PHTF1: variants seen among roughly 807,000 people sequenced by gnomAD.
The protein encoded by PHTF1 is protein PHTF1.
PHTF1 carries 88 observed loss-of-function variants against 102.4 expected under a neutral mutation model. The observed-to-expected ratio is 0.86, with a 90% CI of 0.72 to 1.03. The LOEUF is 1.03. Among genes scored for constraint, PHTF1 ranks in the 50% least tolerant of loss-of-function variants. PHTF1 has a pLI of 0.00. For synonymous variants in PHTF1, 289 were observed against 305.2 expected, an observed-to-expected ratio of 0.95 and a Z score of 0.55; for missense variants, 814 against 909.5, an observed-to-expected ratio of 0.89 and a Z score of 1.35.
chr1:113,726,021 T>A (rs1240581514), intron 6 of PHTF1: 1 of 159,846 alleles, frequency 6.3e-6, no homozygotes, highest in Non-Finnish European at 1.4e-5. Context: ...TTATTACACA[T>A]CTTTGAAAAA....
intron 7 of PHTF1, among the ~76,000 whole-genome samples, chr1:113,724,337 C>T (rs979821934): frequency 1.3e-5 from 2 of 151,978 alleles, no homozygotes; most frequent in Non-Finnish European, 2.9e-5. Flanking sequence ...GTCAGGAATT[C>T]GATATCAGCC....
chr1:113,736,138 C>T (rs988685539), intron 5 of PHTF1, among the ~76,000 whole-genome samples: 14 of 150,836 alleles, frequency 9.3e-5, no homozygotes, highest in African/African-American at 2.7e-4. Flanking sequence ...GTCAGGAGAT[C>T]GAGACCATCC....
Position 113,706,671 on chromosome 1 carries a change from C to T in PHTF1, c.1321G>A (p.Ala441Thr). 5 of 1,608,566 alleles carry T rather than the reference C, an allele frequency of 3.1e-6. No homozygotes were observed. Among genetic ancestry groups the T allele is most frequent in the Non-Finnish European group, 3.4e-6 (4 of 1,176,206 alleles). Residue 441 changes from alanine to threonine, a missense_variant, in exon 12 of 19, where the codon GCA (alanine) becomes ACA (threonine). Coordinates refer to ENST00000369604, the MANE Select transcript of PHTF1 (RefSeq NM_001323043.2). ...NSSPSSDRVS[A>T]IIWEGNECKK... ...CACTCATTCCCCTCCCAGATTATTG[C>T]ACTAACTCGATCAGAGGAAGGACTT... is the stretch of plus-strand genomic sequence containing the variant.
At chr1:113,752,682 C>G (rs1366003671) in intron 3 of PHTF1, among the ~76,000 whole-genome samples, 1 of 152,080 alleles carries the variant, frequency 6.6e-6, no homozygotes, top group Non-Finnish European at 1.5e-5. Context: ...CTGCGCCCAG[C>G]CTACTGTCAT....
chr1:113,739,981 T>C (rs1396085664), intron 3 of PHTF1, among the ~76,000 whole-genome samples: 1 of 152,234 alleles, frequency 6.6e-6, no homozygotes, highest in Non-Finnish European at 1.5e-5. Flanking sequence ...CATTCACCTG[T>C]TGATGGACAC....
At chr1:113,704,306 AT>A in intron 14 of PHTF1, 139 bp from the exon 15 acceptor site, 1 of 541,344 alleles carries the variant, frequency 1.8e-6, no homozygotes, top group Non-Finnish European at 3.3e-6. Context: ...ATTTTAACAT[AT>A]TTTGGACGTC....
chr1:113,758,760 G>A (rs772267951), intron 1 of PHTF1, 27 bp from the exon 2 acceptor site: 117 of 1,590,278 alleles, frequency 7.4e-5, no homozygotes, highest in Non-Finnish European at 9.2e-5. Context: ...ACCAATCGGT[G>A]AGTCCAGCTG....
rs771030937 is a variant in PHTF1, at chr1:113,719,599, C to A, written c.623+5160G>T. ...CCATCTGTTACCACCTCAGCCTAGA[C>A]CTTATTGTTCATATCACTATCAGCA... On this transcript the variant is annotated intron_variant, in intron 7 of 18. Coordinates refer to ENST00000369604, the MANE Select transcript of PHTF1 (RefSeq NM_001323043.2). 7.9e-5 allele frequency among the ~76,000 whole-genome samples: 12 copies of A among 152,274 alleles called. No homozygotes were observed. The East Asian group carries it at 2.1e-3, about 27-fold the overall frequency.
At position 113,699,624 on chromosome 1, in the gene PHTF1, T is replaced by C. The variant is rs1649223076; in HGVS notation, c.2142+80A>G. The C allele has an allele frequency of 1.7e-5, 12 of 727,100 alleles. No individual in the cohort carries two copies. In the South Asian group the frequency reaches 1.9e-4, roughly 11 times the overall value. The allele number at this position is 727,100 out of a possible 1,614,324, so 45.0% of individuals were successfully genotyped here. ...GGACCCCTCCCAACCCAAGGTATCA[T>C]CTGCCATTTAATGTTTTCTTAGAGA... On this transcript the variant is annotated intron_variant, in intron 17 of 18. Transcript: ENST00000369604.
Position 113,759,082 on chromosome 1 carries a change from C to G in PHTF1, c.-90G>C, listed in dbSNP as rs1659322373. On this transcript the variant is annotated 5_prime_UTR_variant, in exon 1 of 19. Coordinates refer to ENST00000369604, the MANE Select transcript of PHTF1 (RefSeq NM_001323043.2). ...ACCTCCGTCCTCAGTGCCCGGGGTC[C>G]CACCGTGAGGCCGGGGGCGAGGCGG... 1 of 995,010 alleles carries G rather than the reference C, an allele frequency of 1.0e-6. No individual in the cohort carries two copies. The highest frequency in any genetic ancestry group is 4.6e-5 in the South Asian group (1 of 21,716). 61.6% of individuals were successfully genotyped at this position (995,010 alleles called of 1,614,324 possible). A position where few individuals can be genotyped will look rare whatever the true frequency, so the allele number is the denominator to read the frequency against.
chr1:113,724,860 G>A lies in PHTF1; in HGVS notation c.522C>T (p.Ser174=), dbSNP rs116732089. The A allele has an allele frequency of 3.1e-3, 4,895 of 1,604,142 alleles. 137 individuals are homozygous for A. The African/African-American group carries it at 0.056, about 18-fold the overall frequency. The change falls in exon 7 of 19, where the codon AGC becomes AGT. Residue 174 remains serine (S), a synonymous_variant. Coordinates refer to ENST00000369604, the MANE Select transcript of PHTF1 (RefSeq NM_001323043.2). ...CAGAGGAGTTATTTCCATTTTCTCG[G>A]CTCCCATCACCATTTACAGTTTTTC... The part of the protein sequence containing the change: ...KLRKTVNGDG[S]RENGNNSSDK...
intron 14 of PHTF1, 100 bp from the exon 15 acceptor site, chr1:113,704,267 T>C: frequency 1.6e-6 from 1 of 614,860 alleles, no homozygotes. Context: ...CGTGTGAAAA[T>C]AATGTTTATA....
intron 3 of PHTF1, among the ~76,000 whole-genome samples, chr1:113,744,481 C>T (rs992070173): frequency 1.3e-5 from 2 of 152,152 alleles, no homozygotes; most frequent in South Asian, 2.1e-4. Flanking sequence ...TGATTTGGGG[C>T]ATATGGTGAA....
intron 15 of PHTF1, among the ~76,000 whole-genome samples, chr1:113,701,408 T>C (rs1053085919): frequency 1.3e-5 from 2 of 152,246 alleles, no homozygotes; most frequent in African/African-American, 4.8e-5. Flanking sequence ...CTACCATTTA[T>C]TGAGTGCCTA....
At chr1:113,730,006 C>A (rs777419516) in intron 5 of PHTF1, among the ~76,000 whole-genome samples, 4 of 152,152 alleles carry the variant, frequency 2.6e-5, no homozygotes, top group Non-Finnish European at 4.4e-5. Context: ...TATTCTGTTG[C>A]TATAATGCAA....
At chr1:113,749,339 A>G (rs942962991) in intron 3 of PHTF1, among the ~76,000 whole-genome samples, 1 of 152,218 alleles carries the variant, frequency 6.6e-6, no homozygotes, top group Non-Finnish European at 1.5e-5. Flanking sequence ...CATTTTGAAT[A>G]GTGGACCTCA....
chr1:113,748,700 AT>A (rs1217772813), intron 3 of PHTF1, among the ~76,000 whole-genome samples: 1 of 151,796 alleles, frequency 6.6e-6, no homozygotes, highest in African/African-American at 2.4e-5. Flanking sequence ...AGCCCAGCTA[AT>A]TTTTTTGTAT....
chr1:113,710,517 A>G (rs1224049621), intron 10 of PHTF1, 42 bp from the exon 11 acceptor site: 2 of 1,421,248 alleles, frequency 1.4e-6, no homozygotes. Flanking sequence ...ATTCATCTTT[A>G]AAAATAATTA....
chr1:113,742,454 G>A (rs191445714), intron 3 of PHTF1, among the ~76,000 whole-genome samples: 2,137 of 152,018 alleles, frequency 0.014, 57 homozygotes, highest in African/African-American at 0.048. Flanking sequence ...TGAAACCCCC[G>A]TCTCTACTAA....
Sources: allele counts gnomAD v4.1 joint callset (sites outside exome capture counted in the v4.1 genomes callset), GRCh38; gene constraint gnomAD v4.1.1; transcripts MANE v1.5; gene names NCBI Gene and HGNC (gene_info 2026-07-23, HGNC 2026-07-21).